The following CNTN4 variants were observed in gnomAD, a reference collection of about 807,000 sequenced individuals.
CNTN4 encodes contactin-4.
Under a neutral mutation model 122.5 loss-of-function variants are expected in CNTN4, and 77 were observed. That is an observed-to-expected ratio of 0.63 (90% CI 0.52 to 0.76). The LOEUF is 0.76. Ranked by LOEUF, CNTN4 falls within the 30% of genes least tolerant of loss-of-function variation. CNTN4 has a pLI of 0.00. For missense variants in CNTN4, 1,256 were observed against 1,259.1 expected, an observed-to-expected ratio of 1.00 and a Z score of 0.04; for synonymous variants, 512 against 447.0, an observed-to-expected ratio of 1.15 and a Z score of -1.83.
At chr3:2,374,853 G>A (rs375759748) in intron 3 of CNTN4, among the ~76,000 whole-genome samples, 8 of 152,208 alleles carry the variant, frequency 5.3e-5, no homozygotes, top group Admixed American at 2.0e-4. Flanking sequence ...TGCTAATCAC[G>A]TGTCACTGGT....
chr3:2,718,256 A>C (rs1289760978), intron 4 of CNTN4, among the ~76,000 whole-genome samples: 1 of 152,068 alleles, frequency 6.6e-6, no homozygotes, highest in East Asian at 1.9e-4. Context: ...TTAACCCTTT[A>C]ACGTTTGCTA....
chr3:2,328,967 C>T (rs1473004023), intron 2 of CNTN4, among the ~76,000 whole-genome samples: 4 of 152,038 alleles, frequency 2.6e-5, no homozygotes, highest in Non-Finnish European at 5.9e-5. Flanking sequence ...GTCTATTTAC[C>T]ATTTTCTATA....
intron 4 of CNTN4, among the ~76,000 whole-genome samples, chr3:2,591,673 CTT>C (rs1387477007): frequency 1.3e-5 from 2 of 151,744 alleles, no homozygotes; most frequent in East Asian, 1.9e-4. Context: ...CGATTTGTGA[CTT>C]TTTAAAATTG....
chr3:3,031,104 A>G, intron 16 of CNTN4, 129 bp downstream of exon 16: 2 of 1,181,762 alleles, frequency 1.7e-6, no homozygotes, highest in Non-Finnish European at 1.2e-6. Flanking sequence ...CATTGTAAAC[A>G]GTGGCTAACA....
chr3:2,755,892 A>G (rs2090314863), intron 6 of CNTN4, among the ~76,000 whole-genome samples: 2 of 152,226 alleles, frequency 1.3e-5, no homozygotes, highest in African/African-American at 4.8e-5. Context: ...TAAAAAAACC[A>G]AGGTACTAAA....
chr3:2,383,882 G>A (rs897977039), intron 3 of CNTN4, among the ~76,000 whole-genome samples: 4 of 151,620 alleles, frequency 2.6e-5, no homozygotes, highest in East Asian at 2.0e-4. Context: ...CTTGACTTGT[G>A]TTCTAATAAA....
At chr3:2,609,470 G>C (rs1247186666) in intron 4 of CNTN4, among the ~76,000 whole-genome samples, 2 of 152,108 alleles carry the variant, frequency 1.3e-5, no homozygotes, top group African/African-American at 4.8e-5. Flanking sequence ...CCCAGCTTCA[G>C]GTATTTTGTT....
At chr3:2,854,724 G>C (rs951289620) in intron 7 of CNTN4, among the ~76,000 whole-genome samples, 61 of 152,288 alleles carry the variant, frequency 4.0e-4, no homozygotes, top group African/African-American at 1.4e-3. Context: ...TTGTTAACTT[G>C]TGTGGGAGTT....
intron 8 of CNTN4, among the ~76,000 whole-genome samples, chr3:2,882,063 A>T (rs890262451): frequency 1.3e-5 from 2 of 152,166 alleles, no homozygotes; most frequent in African/African-American, 4.8e-5. Flanking sequence ...GCATGTATTG[A>T]TAAGAAATAA....
intron 2 of CNTN4, among the ~76,000 whole-genome samples, chr3:2,213,271 G>T (rs961406030): frequency 2.0e-5 from 3 of 152,146 alleles, no homozygotes; most frequent in African/African-American, 7.2e-5. Context: ...ACACTACGGA[G>T]AATCTGGGGC....
At chr3:2,199,278 G>T (rs1294043546) in intron 2 of CNTN4, among the ~76,000 whole-genome samples, 2 of 152,104 alleles carry the variant, frequency 1.3e-5, no homozygotes, top group Non-Finnish European at 2.9e-5. Context: ...CTTCCCAGTT[G>T]TATTATGTTC....
chr3:2,317,858 G>T (rs2043158033), intron 2 of CNTN4, among the ~76,000 whole-genome samples: 1 of 152,096 alleles, frequency 6.6e-6, no homozygotes, highest in African/African-American at 2.4e-5. Context: ...TTTTTTCTGA[G>T]AAGACTAACG....
chr3:2,916,628 AT>A lies in CNTN4; in HGVS notation c.1208-8998del, dbSNP rs1479515151. ...TCTACACAGACACAGCAACAATCTG[AT>A]TTCTCTTTCCTTTCCCCACACTTCC... On this transcript the variant is annotated intron_variant, in intron 12 of 24. Transcript: ENST00000418658. 4.0e-4 allele frequency among the ~76,000 whole-genome samples: 49 copies of A among 122,260 alleles called. 14 individuals are homozygous for A. The highest frequency in any genetic ancestry group is 1.8e-3 in the East Asian group (5 of 2,816). 80.2% of individuals were successfully genotyped at this position (122,260 alleles called of 152,430 possible). A position where few individuals can be genotyped will look rare whatever the true frequency, so the allele number is the denominator to read the frequency against.
At chr3:2,734,159 C>G (rs1020601218) in intron 4 of CNTN4, among the ~76,000 whole-genome samples, 3 of 152,146 alleles carry the variant, frequency 2.0e-5, no homozygotes, top group Admixed American at 6.5e-5. Flanking sequence ...CCCCCCAGAT[C>G]AAGCCATCCT....
In CNTN4 at chr3:3,026,166, A is replaced by G. The variant is rs7629924; in HGVS notation, c.1551A>G (p.Leu517=). The G allele has an allele frequency of 0.1, 164,901 of 1,612,086 alleles. 10,176 individuals are homozygous for G. The highest frequency in any genetic ancestry group is 0.29 in the African/African-American group (21,452 of 74,730). ...TCACTGTTGGAGAGAGTATTGTTTT[A>G]CCGTGCCAGGTAACGCATGATCACT... is the stretch of plus-strand genomic sequence containing the variant. ...MDVTVGESIV[L]PCQVTHDHSL... Residue 517 remains leucine (L), a synonymous_variant, in exon 15 of 25, where the codon TTA becomes TTG. Transcript: ENST00000418658.
intron 7 of CNTN4, among the ~76,000 whole-genome samples, chr3:2,830,746 T>G (rs902760243): frequency 5.9e-5 from 9 of 152,178 alleles, no homozygotes; most frequent in Admixed American, 4.6e-4. Flanking sequence ...CTGCTGGAAA[T>G]ATACCCTGTG....
chr3:2,682,974 A>T (rs1192864207), intron 4 of CNTN4, among the ~76,000 whole-genome samples: 1 of 152,132 alleles, frequency 6.6e-6, no homozygotes, highest in Non-Finnish European at 1.5e-5. Context: ...AGAGACTGGG[A>T]CAGACCATAC....
intron 6 of CNTN4, among the ~76,000 whole-genome samples, chr3:2,781,823 C>T (rs1462051403): frequency 7.3e-6 from 1 of 136,762 alleles, no homozygotes; most frequent in East Asian, 2.0e-4. Flanking sequence ...CTCCCGGGTT[C>T]CCGCCATTCT....
At chr3:2,540,069 T>TTG (rs35310430) in intron 3 of CNTN4, among the ~76,000 whole-genome samples, 2,336 of 149,042 alleles carry the variant, frequency 0.016, 26 homozygotes, top group African/African-American at 0.03. Flanking sequence ...TTCATCAGTG[T>TTG]TGTGTGTGTG....
Sources: allele counts gnomAD v4.1 joint callset (sites outside exome capture counted in the v4.1 genomes callset), GRCh38; gene constraint gnomAD v4.1.1; transcripts MANE v1.5; gene names NCBI Gene and HGNC (gene_info 2026-07-23, HGNC 2026-07-21).